Variants in TRIM33 observed in about 807,000 individuals in gnomAD.
TRIM33 encodes E3 ubiquitin-protein ligase TRIM33.
A neutral mutation model predicts 125.4 loss-of-function variants in TRIM33; 20 were observed. The ratio of observed to expected loss-of-function variants is 0.16; its 90% CI spans 0.11 to 0.23. The LOEUF is 0.23. Ranked by LOEUF, TRIM33 falls within the 10% of genes least tolerant of loss-of-function variation. The pLI is 1.00. For missense variants in TRIM33, 920 were observed against 1,411.4 expected, an observed-to-expected ratio of 0.65 and a Z score of 5.58; for synonymous variants, 564 against 513.9, an observed-to-expected ratio of 1.10 and a Z score of -1.32.
At chr1:114,419,732 G>A (rs990340209) in intron 11 of TRIM33, among the ~76,000 whole-genome samples, 4 of 152,082 alleles carry the variant, frequency 2.6e-5, no homozygotes, top group African/African-American at 7.2e-5. Flanking sequence ...CAAAGTTTTC[G>A]TTAAATGAGT....
rs1651404795 is a variant in TRIM33, at chr1:114,393,799, TC to T, written c.*3848del. 1 of 207,134 alleles carries T rather than the reference TC, an allele frequency of 4.8e-6. No homozygotes were observed. 12.8% of individuals were successfully genotyped at this position (207,134 alleles called of 1,614,324 possible). A position where few individuals can be genotyped will look rare whatever the true frequency, so the allele number is the denominator to read the frequency against. On this transcript the variant is annotated 3_prime_UTR_variant, in exon 20 of 20. Transcript: ENST00000358465. The stretch of plus-strand genomic sequence containing the variant: ...TTACTTTTAAAAAAATATGCAACTT[TC>T]CCCAATTTTTAAAATAAAATGCCAC...
chr1:114,453,300 G>A (rs1649429480), intron 4 of TRIM33, among the ~76,000 whole-genome samples: 1 of 151,346 alleles, frequency 6.6e-6, no homozygotes, highest in South Asian at 2.1e-4. Context: ...GGAGGCAGAG[G>A]TTGCAGTGAG....
At position 114,511,186 on chromosome 1, in the gene TRIM33, C is replaced by A. The variant is rs1485806951; in HGVS notation, c.-110G>T. The A allele has an allele frequency of 1.5e-5, 15 of 997,524 alleles. No homozygotes were observed. The highest frequency in any genetic ancestry group is 1.7e-5 in the Non-Finnish European group (14 of 827,758). 61.8% of individuals were successfully genotyped at this position (997,524 alleles called of 1,614,324 possible). ...CCGCAGCAAGAGCGGCAGCCGAGAG[C>A]TAGCGAGAGAGCGAACCAACGAGAG... On this transcript the variant is annotated 5_prime_UTR_variant, in exon 1 of 20. Coordinates refer to ENST00000358465, the MANE Select transcript of TRIM33 (RefSeq NM_015906.4).
intron 15 of TRIM33, 115 bp from the exon 16 acceptor site, chr1:114,402,998 G>T: frequency 8.9e-7 from 1 of 1,117,894 alleles, no homozygotes. Flanking sequence ...TGAAAAAAGG[G>T]AGGTTTTATA....
At chr1:114,436,590 G>A (rs1248906893) in intron 4 of TRIM33, among the ~76,000 whole-genome samples, 5 of 151,672 alleles carry the variant, frequency 3.3e-5, no homozygotes, top group Non-Finnish European at 7.4e-5. Flanking sequence ...TCAGCCTCCC[G>A]AGTAGCTGGG....
chr1:114,466,635 G>T (rs1183316047), intron 1 of TRIM33, among the ~76,000 whole-genome samples: 3 of 152,192 alleles, frequency 2.0e-5, no homozygotes, highest in Non-Finnish European at 2.9e-5. Flanking sequence ...CAAGGCTCAG[G>T]TGAGATTCCC....
chr1:114,500,674 C>T (rs1225023526), intron 1 of TRIM33, among the ~76,000 whole-genome samples: 3 of 148,136 alleles, frequency 2.0e-5, no homozygotes, highest in African/African-American at 2.5e-5. Flanking sequence ...CCAAGGTATA[C>T]GTAGAGAGGG....
At chr1:114,424,782 T>C in intron 9 of TRIM33, 27 bp from the exon 10 acceptor site, 4 of 1,400,906 alleles carry the variant, frequency 2.9e-6, no homozygotes, top group Non-Finnish European at 2.8e-6. Flanking sequence ...TTGCAATTTA[T>C]GTAATAATTT....
At chr1:114,492,941 A>T (rs1652157255) in intron 1 of TRIM33, among the ~76,000 whole-genome samples, 1 of 152,216 alleles carries the variant, frequency 6.6e-6, no homozygotes, top group Admixed American at 6.5e-5. Flanking sequence ...TGGATTTGCT[A>T]GGTCACATGC....
chr1:114,418,743 A>G (rs1557852609), intron 11 of TRIM33, among the ~76,000 whole-genome samples: 1 of 152,084 alleles, frequency 6.6e-6, no homozygotes, highest in Non-Finnish European at 1.5e-5. Context: ...CATGTCTGAC[A>G]CTGACAATGG....
intron 4 of TRIM33, among the ~76,000 whole-genome samples, chr1:114,458,589 C>T (rs1649761378): frequency 6.6e-6 from 1 of 152,150 alleles, no homozygotes; most frequent in Non-Finnish European, 1.5e-5. Context: ...GCCCACCAAA[C>T]TATCCTTTAA....
intron 9 of TRIM33, 33 bp downstream of exon 9, chr1:114,425,416 T>C: frequency 1.2e-6 from 2 of 1,605,066 alleles, no homozygotes; most frequent in South Asian, 1.1e-5. Flanking sequence ...GGCTTCATAA[T>C]TTCTATCAAT....
At chr1:114,403,864 A>G (rs966633348) in intron 15 of TRIM33, among the ~76,000 whole-genome samples, 2 of 151,732 alleles carry the variant, frequency 1.3e-5, no homozygotes, top group African/African-American at 2.4e-5. Flanking sequence ...TTTTTTCACC[A>G]TGGTGGCCAG....
At chr1:114,450,104 G>T (rs1286753845) in intron 4 of TRIM33, among the ~76,000 whole-genome samples, 1 of 152,098 alleles carries the variant, frequency 6.6e-6, no homozygotes, top group East Asian at 1.9e-4. Flanking sequence ...CAGAATTCTA[G>T]ATCAAGGCTG....
chr1:114,493,710 T>C (rs1652204977), intron 1 of TRIM33, among the ~76,000 whole-genome samples: 1 of 152,198 alleles, frequency 6.6e-6, no homozygotes, highest in Non-Finnish European at 1.5e-5. Flanking sequence ...TCTTGCTCTG[T>C]CAGTGCACTG....
chr1:114,426,480 AT>A (rs971548249), intron 8 of TRIM33, among the ~76,000 whole-genome samples: 8 of 150,548 alleles, frequency 5.3e-5, no homozygotes, highest in African/African-American at 9.8e-5. Flanking sequence ...TTTGAATATA[AT>A]TTTTTTTTAT....
At chr1:114,432,785 C>CAA (rs1425761319) in intron 5 of TRIM33, among the ~76,000 whole-genome samples, 42 of 143,792 alleles carry the variant, frequency 2.9e-4, no homozygotes, top group Admixed American at 2.8e-4. Flanking sequence ...GACTCCGTCT[C>CAA]AAAAAAAAAA....
intron 1 of TRIM33, among the ~76,000 whole-genome samples, chr1:114,507,007 A>G (rs1653042974): frequency 6.6e-6 from 1 of 152,256 alleles, no homozygotes; most frequent in African/African-American, 2.4e-5. Context: ...TATTTACACA[A>G]AACTTATTTA....
At chr1:114,504,146 CCTT>C (rs1652860333) in intron 1 of TRIM33, among the ~76,000 whole-genome samples, 1 of 151,778 alleles carries the variant, frequency 6.6e-6, no homozygotes, top group Admixed American at 6.6e-5. Flanking sequence ...GAGCCATTAT[CCTT>C]TTTTTTTATT....
Sources: gnomAD v4.1 joint callset for allele counts (sites outside exome capture counted in the v4.1 genomes callset) on GRCh38, gnomAD v4.1.1 for gene constraint, MANE v1.5 for transcripts, NCBI Gene and HGNC (gene_info 2026-07-23, HGNC 2026-07-21) for gene names.